PTPRC: variants seen among roughly 807,000 people sequenced by gnomAD.
PTPRC encodes protein tyrosine phosphatase receptor type C, also known as receptor-type tyrosine-protein phosphatase C.
A neutral mutation model predicts 155.9 loss-of-function variants in PTPRC; 44 were observed. The observed-to-expected ratio is 0.28, with a 90% CI of 0.22 to 0.36. PTPRC has a LOEUF of 0.36. PTPRC is among the 10% of genes least tolerant of loss of function. The pLI, the probability that PTPRC is intolerant of heterozygous loss-of-function variation, is 1.00. For missense variants in PTPRC, 1,401 were observed against 1,564.6 expected (o/e 0.90, Z 1.76); for synonymous variants, 525 against 533.1 (o/e 0.98, Z 0.21).
At chr1:198,693,512 G>A (rs1323417947) in intron 3 of PTPRC, among the ~76,000 whole-genome samples, 2 of 152,146 alleles carry the variant, frequency 1.3e-5, no homozygotes, top group Non-Finnish European at 2.9e-5. Flanking sequence ...TCTTTAAAAT[G>A]ACACATGACT....
At chr1:198,677,974 GTTC>G in intron 2 of PTPRC, among the ~76,000 whole-genome samples, 1 of 151,054 alleles carries the variant, frequency 6.6e-6, no homozygotes, top group South Asian at 2.1e-4. Context: ...TTTACATTTT[GTTC>G]TTTATTGTAT....
In PTPRC at chr1:198,742,296, G is replaced by A. The variant is rs768760266; in HGVS notation, c.2626G>A (p.Glu876Lys). ...IDAMLEGLEA[E>K]NKVDVYGYVV... ...TGCCATGCTAGAAGGCCTGGAAGCC[G>A]AGAACAAAGTGGATGTTTATGGTTA... Residue 876 changes from glutamate to lysine, a missense_variant, in exon 25 of 33, where the codon GAG becomes AAG. Glu to Lys is a moderately conservative substitution (Grantham distance 56, BLOSUM62 1). Around this residue, in one of 3 missense-constraint regions of PTPRC, gnomAD observed 134 missense variants for 204.7 expected, o/e 0.65. Transcript: ENST00000442510. 16 of 1,612,228 alleles carry A rather than the reference G, an allele frequency of 9.9e-6. No homozygotes were observed. The highest frequency in any genetic ancestry group is 1.7e-5 in the Admixed American group (1 of 59,778).
intron 22 of PTPRC, 45 bp from the exon 23 acceptor site, chr1:198,735,082 G>A (rs1296063310): frequency 1.4e-6 from 2 of 1,475,982 alleles, no homozygotes; most frequent in Non-Finnish European, 1.8e-6. Context: ...TAAAAAATTG[G>A]CTTAAATTAA....
chr1:198,652,348 C>T (rs1239762372), intron 2 of PTPRC, among the ~76,000 whole-genome samples: 1 of 151,738 alleles, frequency 6.6e-6, no homozygotes, highest in Non-Finnish European at 1.5e-5. Flanking sequence ...CCATATAACA[C>T]AAACACTGTA....
intron 2 of PTPRC, among the ~76,000 whole-genome samples, chr1:198,674,154 C>T (rs138446424): frequency 6.6e-6 from 1 of 152,204 alleles, no homozygotes; most frequent in East Asian, 1.9e-4. Flanking sequence ...TAGAATGACC[C>T]AGCCTCTTTG....
intron 10 of PTPRC, 71 bp from the exon 11 acceptor site, chr1:198,709,616 G>A: frequency 7.8e-7 from 1 of 1,276,652 alleles, no homozygotes; most frequent in Non-Finnish European, 1.1e-6. Context: ...TTATAAATGT[G>A]AAATTAGAAA....
intron 2 of PTPRC, chr1:198,680,015 T>C (rs1027980500): frequency 7.1e-6 from 4 of 560,252 alleles, no homozygotes; most frequent in Non-Finnish European, 1.3e-5. Flanking sequence ...CTCAAGGGCC[T>C]GGACCGCTTG....
chr1:198,736,656 C>A (rs1397862762), intron 23 of PTPRC, among the ~76,000 whole-genome samples: 1 of 151,644 alleles, frequency 6.6e-6, no homozygotes, highest in African/African-American at 2.4e-5. Flanking sequence ...CGTGGGAGTG[C>A]AGATTATCTC....
intron 28 of PTPRC, chr1:198,750,218 G>T: frequency 2.3e-6 from 1 of 439,934 alleles, no homozygotes; most frequent in South Asian, 2.2e-5. Flanking sequence ...CCTTTATAGA[G>T]AAACAAAAAT....
At chr1:198,727,152 C>T (rs766329369) in intron 15 of PTPRC, among the ~76,000 whole-genome samples, 1 of 152,044 alleles carries the variant, frequency 6.6e-6, no homozygotes, top group East Asian at 1.9e-4. Flanking sequence ...TAAGCCACTG[C>T]GCCTGTCTGT....
rs771923388 is a variant in PTPRC, at chr1:198,709,771, A to G, written c.1118A>G (p.Tyr373Cys). The G allele has an allele frequency of 1.2e-6, 2 of 1,612,736 alleles. No homozygotes were observed. The highest frequency in any genetic ancestry group is 8.5e-7 in the Non-Finnish European group (1 of 1,179,302). The change falls in exon 11 of 33, where the codon TAT (tyrosine) becomes TGT (cysteine). Residue 373 changes from tyrosine to cysteine, a missense_variant. Transcript: ENST00000442510. ...HEYKCDSEIL[Y>C]NNHKFTNASK... is the part of the protein sequence containing the mutation. ...TATAAGTGTGACTCAGAAATACTCT[A>G]TAATAACCACAAGTTTACTAACGCA... is the stretch of plus-strand genomic sequence containing the variant.
intron 11 of PTPRC, 104 bp from the exon 12 acceptor site, chr1:198,712,849 C>A: frequency 1.6e-6 from 2 of 1,238,650 alleles, no homozygotes; most frequent in South Asian, 1.3e-5. Flanking sequence ...TTGAATTCAT[C>A]ATTTGTCAAA....
chr1:198,676,347 A>T (rs910468055), intron 2 of PTPRC, among the ~76,000 whole-genome samples: 8 of 152,214 alleles, frequency 5.3e-5, no homozygotes, highest in African/African-American at 1.9e-4. Flanking sequence ...GAAAGAGACC[A>T]TGTCTTTTTT....
chr1:198,739,950 A>T (rs1654823933), intron 23 of PTPRC, among the ~76,000 whole-genome samples: 1 of 151,856 alleles, frequency 6.6e-6, no homozygotes, highest in South Asian at 2.1e-4. Context: ...GAGAGTGAAC[A>T]ATATATTCCT....
intron 2 of PTPRC, among the ~76,000 whole-genome samples, chr1:198,687,029 A>G (rs189264521): frequency 6.6e-6 from 1 of 152,226 alleles, no homozygotes; most frequent in Admixed American, 6.5e-5. Flanking sequence ...TTTTTGAGTC[A>G]GGGTCTCACC....
In PTPRC at chr1:198,731,650, T is replaced by C; in HGVS notation, c.1898T>C (p.Ile633Thr). The change falls in exon 18 of 33, where the codon ATC becomes ACC. Residue 633 changes from isoleucine to threonine, a missense_variant. Physicochemically the swap from Ile to Thr is moderately conservative, Grantham distance 89. This residue lies in a region of PTPRC where 867 missense variants were observed against 970.4 expected (regional missense o/e 0.89). Transcript: ENST00000442510. ...DEKQLMNVEP[I>T]HADILLETYK... ...AAACAACTGATGAATGTGGAGCCAA[T>C]CCATGCAGATATTTTGTTGGAAACT... 2.5e-6 allele frequency: 4 copies of C among 1,611,254 alleles called. No homozygotes were observed. The highest frequency in any genetic ancestry group is 2.5e-6 in the Non-Finnish European group (3 of 1,177,894).
At position 198,662,281 on chromosome 1, in the gene PTPRC, A is replaced by G. The variant is rs1664011134; in HGVS notation, c.73+22940A>G. ...CACTCTTCTAATTCTTAACAACTTTATAATGTATATGTATTTCTTATTCTT... is the reference window on the plus strand; with the variant it reads ...CACTCTTCTAATTCTTAACAACTTTGTAATGTATATGTATTTCTTATTCTT... On this transcript the variant is annotated intron_variant, in intron 2 of 32. Transcript: ENST00000442510. Among the ~76,000 whole-genome samples, 3 of 152,192 alleles carry G rather than the reference A, an allele frequency of 2.0e-5. No homozygotes were observed. The South Asian group carries it at 6.2e-4, about 31-fold the overall frequency.
In PTPRC at chr1:198,732,611, T is replaced by G. The variant is rs554707138; in HGVS notation, c.2142+55T>G. 44 of 1,354,002 alleles carry G rather than the reference T, an allele frequency of 3.2e-5. No individual in the cohort carries two copies. In the African/African-American group the frequency reaches 6.1e-4, roughly 19 times the overall value. 83.9% of individuals were successfully genotyped at this position (1,354,002 alleles called of 1,614,324 possible). ...CTACATATTTCATTCAGCTCCTTGT[T>G]TGTCTTGGTAAAATTTTAGAAATAT... On this transcript the variant is annotated intron_variant, in intron 20 of 32. Coordinates refer to ENST00000442510, the MANE Select transcript of PTPRC (RefSeq NM_002838.5).
At chr1:198,703,666 C>G in intron 7 of PTPRC, 1 of 478,034 alleles carries the variant, frequency 2.1e-6, no homozygotes, top group Non-Finnish European at 3.8e-6. Context: ...AGGAAAAGAA[C>G]AAGCCCATCA....
Sources: gnomAD v4.1 joint callset for allele counts (sites outside exome capture counted in the v4.1 genomes callset) on GRCh38, gnomAD v4.1.1 for gene constraint, gnomAD v4.1.1 regional missense constraint, MANE v1.5 for transcripts, NCBI Gene and HGNC (gene_info 2026-07-23, HGNC 2026-07-21) for gene names.